The following AKAP13 variants were observed in gnomAD, a reference collection of about 807,000 sequenced individuals.
AKAP13 encodes A-kinase anchoring protein 13.
In AKAP13, 80 loss-of-function variants were observed where a neutral mutation model predicts 264.5. The ratio of observed to expected loss-of-function variants is 0.30; its 90% CI spans 0.25 to 0.36. AKAP13 has a LOEUF of 0.36. AKAP13 is among the 10% of genes least tolerant of loss of function. The probability of loss-of-function intolerance (pLI) is 1.00; values close to 1 mark genes in which losing one functional copy is unlikely to be tolerated. For missense variants in AKAP13, 3,712 were observed against 3,435.2 expected (o/e 1.08, Z -2.01); for synonymous variants, 1,380 against 1,250.2 (o/e 1.10, Z -2.19).
chr15:85,641,410 CACTCCAGCCTGGGCGACGGAGCAAG>C (rs2082302630), intron 9 of AKAP13, among the ~76,000 whole-genome samples: 1 of 149,734 alleles, frequency 6.7e-6, no homozygotes, highest in Non-Finnish European at 1.5e-5. Context: ...CATGCCACTG[CACTCCAGCCTGGGCGACGGAGCAAG>C]ACTCCATCTC....
At chr15:85,526,793 A>C (rs958426350) in intron 3 of AKAP13, among the ~76,000 whole-genome samples, 26 of 152,140 alleles carry the variant, frequency 1.7e-4, no homozygotes, top group Non-Finnish European at 4.4e-5. Flanking sequence ...CCCTATTCTG[A>C]AATACTCTCA....
chr15:85,509,707 T>C (rs569697752), intron 2 of AKAP13, among the ~76,000 whole-genome samples: 2 of 152,208 alleles, frequency 1.3e-5, no homozygotes, highest in African/African-American at 4.8e-5. Flanking sequence ...TGAATTCCGA[T>C]GTAAGGAAGG....
intron 17 of AKAP13, among the ~76,000 whole-genome samples, chr15:85,696,327 T>G (rs2085564641): frequency 6.6e-6 from 1 of 152,222 alleles, no homozygotes; most frequent in Admixed American, 6.5e-5. Context: ...ATGTGGATTA[T>G]GCATGCCCAG....
chr15:85,560,631 T>C (rs1207515328), intron 5 of AKAP13, among the ~76,000 whole-genome samples: 1 of 151,410 alleles, frequency 6.6e-6, no homozygotes, highest in Non-Finnish European at 1.5e-5. Context: ...TCTATTTCTA[T>C]GGTCTTTATA....
At chr15:85,685,888 G>C (rs2151617079) in intron 16 of AKAP13, among the ~76,000 whole-genome samples, 1 of 152,224 alleles carries the variant, frequency 6.6e-6, no homozygotes, top group Non-Finnish European at 1.5e-5. Context: ...CCCGCTTAGA[G>C]ATAACTACAC....
intron 17 of AKAP13, among the ~76,000 whole-genome samples, chr15:85,705,793 T>TACAAA (rs2086208279): frequency 6.6e-6 from 1 of 152,270 alleles, no homozygotes; most frequent in Admixed American, 6.5e-5. Flanking sequence ...TTTGTTTCCC[T>TACAAA]GCCCCATGCA....
At chr15:85,660,330 G>A (rs1276576213) in intron 12 of AKAP13, among the ~76,000 whole-genome samples, 1 of 131,084 alleles carries the variant, frequency 7.6e-6, no homozygotes, top group African/African-American at 2.9e-5. Flanking sequence ...TCCAGCCTGG[G>A]TGACAGAGTG....
chr15:85,411,027 G>A (rs368634182), intron 1 of AKAP13, among the ~76,000 whole-genome samples: 1 of 152,184 alleles, frequency 6.6e-6, no homozygotes, highest in African/African-American at 2.4e-5. Flanking sequence ...AGTGTAGTCA[G>A]TAGACCATTG....
At chr15:85,503,341 A>G (rs893626365) in intron 2 of AKAP13, among the ~76,000 whole-genome samples, 26 of 152,208 alleles carry the variant, frequency 1.7e-4, no homozygotes, top group African/African-American at 6.3e-4. Context: ...TAACAAGGGA[A>G]GCTGGTATTC....
At chr15:85,605,325 A>G (rs1200057621) in intron 8 of AKAP13, among the ~76,000 whole-genome samples, 1 of 152,214 alleles carries the variant, frequency 6.6e-6, no homozygotes, top group Non-Finnish European at 1.5e-5. Flanking sequence ...TTTTGCAGGG[A>G]CATGGATGGA....
intron 2 of AKAP13, among the ~76,000 whole-genome samples, chr15:85,490,407 G>A (rs1026321731): frequency 6.6e-6 from 1 of 152,198 alleles, no homozygotes; most frequent in Admixed American, 6.5e-5. Context: ...GTGGAGGTGT[G>A]TGCTTGAAAC....
chr15:85,619,770 G>C, intron 8 of AKAP13: 4 of 1,062,672 alleles, frequency 3.8e-6, no homozygotes, highest in Non-Finnish European at 4.5e-6. Context: ...AACGGTGTTT[G>C]CTTCTCTTTC....
chr15:85,639,941 A>G (rs12904788), intron 9 of AKAP13, among the ~76,000 whole-genome samples: 4,609 of 152,298 alleles, frequency 0.03, 107 homozygotes, highest in Middle Eastern at 0.075. Flanking sequence ...GTTGAGAACC[A>G]TTACACTTTG....
Position 85,724,931 on chromosome 15 carries a change from C to G in AKAP13, c.6746-1479C>G, listed in dbSNP as rs996105682. Among the ~76,000 whole-genome samples the G allele has an allele frequency of 6.6e-6, 1 of 152,080 alleles. No individual in the cohort carries two copies. The highest frequency in any genetic ancestry group is 2.4e-5 in the African/African-American group (1 of 41,404). ...TCTGTGATAAACTTAAACTAAGGCT[C>G]CTTCCCTCCAGTCTTAATATTCCAT... On this transcript the variant is annotated intron_variant, in intron 26 of 36. Transcript: ENST00000394518. The surrounding 1 kb of genome is among the most constrained non-coding windows in gnomAD (Gnocchi z 4.2).
At chr15:85,598,657 G>A (rs1341649901) in intron 8 of AKAP13, among the ~76,000 whole-genome samples, 1 of 152,144 alleles carries the variant, frequency 6.6e-6, no homozygotes. Flanking sequence ...GCCATGGTGG[G>A]TAAAATAAGA....
chr15:85,465,819 G>A (rs2074716461), intron 1 of AKAP13, among the ~76,000 whole-genome samples: 1 of 150,318 alleles, frequency 6.7e-6, no homozygotes, highest in Non-Finnish European at 1.5e-5. Context: ...ACATACGTGT[G>A]CATGTGTCTT....
At chr15:85,645,538 T>G (rs755750376) in intron 9 of AKAP13, among the ~76,000 whole-genome samples, 19 of 152,192 alleles carry the variant, frequency 1.2e-4, no homozygotes, top group Non-Finnish European at 1.0e-4. Flanking sequence ...TTCTAAATCA[T>G]CCTTTTATCT....
intron 9 of AKAP13, among the ~76,000 whole-genome samples, chr15:85,644,799 G>A (rs187390076): frequency 6.6e-6 from 1 of 152,060 alleles, no homozygotes; most frequent in African/African-American, 2.4e-5. Flanking sequence ...CCAGGAGGCG[G>A]AAGTTGCAAA....
At chr15:85,729,874 G>A (rs534544487) in intron 29 of AKAP13, among the ~76,000 whole-genome samples, 123 of 152,212 alleles carry the variant, frequency 8.1e-4, no homozygotes, top group African/African-American at 2.9e-3. Context: ...AACCCAGGAG[G>A]TGGAGGTTAC....
Sources: allele counts gnomAD v4.1 joint callset (sites outside exome capture counted in the v4.1 genomes callset), GRCh38; gene constraint gnomAD v4.1.1; non-coding constraint Gnocchi (gnomAD v3.1); transcripts MANE v1.5; gene names NCBI Gene and HGNC (gene_info 2026-07-23, HGNC 2026-07-21).